TPTE2: variants seen among roughly 807,000 people sequenced by gnomAD.
TPTE2 encodes transmembrane phosphoinositide 3-phosphatase and tensin homolog 2.
In TPTE2, 53 loss-of-function variants were observed where a neutral mutation model predicts 78.6. That is an observed-to-expected ratio of 0.67 (90% confidence interval 0.54 to 0.85). The LOEUF is 0.85. Among genes scored for constraint, TPTE2 ranks in the 40% least tolerant of loss-of-function variants. The probability of loss-of-function intolerance (pLI) is 0.00; values close to 1 mark genes in which losing one functional copy is unlikely to be tolerated. For synonymous variants in TPTE2, 175 were observed against 206.2 expected, an observed-to-expected ratio of 0.85 and a Z score of 1.30; for missense variants, 461 against 623.0, an observed-to-expected ratio of 0.74 and a Z score of 2.77.
chr13:19,502,539 A>G (rs1392406127), intron 1 of TPTE2, among the ~76,000 whole-genome samples: 2 of 150,720 alleles, frequency 1.3e-5, no homozygotes, highest in East Asian at 3.9e-4. Context: ...TCAGTAAACT[A>G]TCGCAAGAAC....
At chr13:19,437,885 T>C (rs576597116) in intron 14 of TPTE2, among the ~76,000 whole-genome samples, 1 of 152,288 alleles carries the variant, frequency 6.6e-6, no homozygotes, top group African/African-American at 2.4e-5. Flanking sequence ...ACTCTAGTCC[T>C]GGCCCAAAGA....
At chr13:19,424,950 T>C (rs1412316222) in exon 19 of TPTE2, 3 of 1,505,274 alleles carry the variant, frequency 2.0e-6, no homozygotes, top group Admixed American at 1.9e-5. Context: ...TTCATACCTG[T>C]TATTTTGAAT....
intron 1 of TPTE2, among the ~76,000 whole-genome samples, chr13:19,497,269 C>A (rs1259709294): frequency 8.4e-5 from 10 of 119,286 alleles, no homozygotes; most frequent in African/African-American, 2.8e-4. Context: ...ACAAAGCAGC[C>A]AGGAAGCTCG....
chr13:19,455,296 C>T (rs1878471879), intron 10 of TPTE2, among the ~76,000 whole-genome samples: 1 of 152,194 alleles, frequency 6.6e-6, no homozygotes, highest in African/African-American at 2.4e-5. Flanking sequence ...TGCTTCCCTG[C>T]CTGAGAATAA....
chr13:19,528,340 T>C (rs142255737), intron 1 of TPTE2, among the ~76,000 whole-genome samples: 2,535 of 151,728 alleles, frequency 0.017, 64 homozygotes, highest in African/African-American at 0.058. Context: ...TGAGCTGAGA[T>C]TGCATGACTG....
chr13:19,558,606 A>G, the TPTE2 span, among the ~76,000 whole-genome samples: 1 of 152,258 alleles, frequency 6.6e-6, no homozygotes, highest in South Asian at 2.1e-4. Flanking sequence ...TCTGTGAGAC[A>G]GTGGGAAAAC....
intron 1 of TPTE2, among the ~76,000 whole-genome samples, chr13:19,515,058 C>T (rs192847220): frequency 4.6e-5 from 7 of 152,326 alleles, no homozygotes; most frequent in Non-Finnish European, 1.0e-4. Flanking sequence ...CTGCTCTCTA[C>T]ACCGTATATT....
At chr13:19,437,905 G>A (rs974738284) in intron 14 of TPTE2, among the ~76,000 whole-genome samples, 187 bp downstream of exon 17, 1 of 152,078 alleles carries the variant, frequency 6.6e-6, no homozygotes, top group African/African-American at 2.4e-5. Context: ...AGATTCTGCA[G>A]TCAGCTACTA....
At chr13:19,463,885 G>A (rs1390420814) in intron 10 of TPTE2, among the ~76,000 whole-genome samples, 2 of 152,208 alleles carry the variant, frequency 1.3e-5, no homozygotes, top group Non-Finnish European at 2.9e-5. Context: ...CATGCTAGCT[G>A]CAGTGGCTTT....
intron 1 of TPTE2, among the ~76,000 whole-genome samples, chr13:19,532,927 G>A (rs1171000743): frequency 6.6e-6 from 1 of 152,112 alleles, no homozygotes; most frequent in African/African-American, 2.4e-5. Context: ...AGGAGGAGAA[G>A]GCTTTCTTGG....
At chr13:19,491,810 G>A (rs988594383) in intron 3 of TPTE2, among the ~76,000 whole-genome samples, 11 of 152,096 alleles carry the variant, frequency 7.2e-5, no homozygotes, top group South Asian at 2.1e-4. Flanking sequence ...GGGCAACAGC[G>A]AGACTTCATC....
At chr13:19,463,998 G>C (rs1427475857) in intron 10 of TPTE2, among the ~76,000 whole-genome samples, 1 of 152,150 alleles carries the variant, frequency 6.6e-6, no homozygotes, top group African/African-American at 2.4e-5. Context: ...TGGTGAAGGG[G>C]GTGGGGCTGT....
At chr13:19,487,864 T>G (rs1398215484) in intron 3 of TPTE2, among the ~76,000 whole-genome samples, 1 of 152,198 alleles carries the variant, frequency 6.6e-6, no homozygotes, top group East Asian at 1.9e-4. Flanking sequence ...ACATGCAGCT[T>G]TGTCAATTCT....
At chr13:19,532,778 G>A (rs996640297) in intron 1 of TPTE2, among the ~76,000 whole-genome samples, 50 of 152,182 alleles carry the variant, frequency 3.3e-4, no homozygotes, top group Non-Finnish European at 2.4e-4. Context: ...CCTAGCAATA[G>A]CTAGGTCTTA....
At chr13:19,443,720 C>T (rs1371506131) in intron 13 of TPTE2, among the ~76,000 whole-genome samples, 3 of 144,796 alleles carry the variant, frequency 2.1e-5, no homozygotes, top group Non-Finnish European at 4.5e-5. Flanking sequence ...ATTTCTTAAT[C>T]GATAAATGGT....
the TPTE2 span, among the ~76,000 whole-genome samples, chr13:19,542,604 A>G: frequency 6.6e-6 from 1 of 152,012 alleles, no homozygotes; most frequent in Admixed American, 6.6e-5. Context: ...TAAATATTCC[A>G]TTTCTAATGT....
chr13:19,448,259 G>C (rs1197681416), intron 13 of TPTE2, among the ~76,000 whole-genome samples: 1 of 152,156 alleles, frequency 6.6e-6, no homozygotes, highest in Non-Finnish European at 1.5e-5. Flanking sequence ...CTTGACATTG[G>C]TCTGGGCCAA....
At chr13:19,460,592 C>A (rs1318454593) in intron 10 of TPTE2, among the ~76,000 whole-genome samples, 4 of 152,088 alleles carry the variant, frequency 2.6e-5, no homozygotes, top group Admixed American at 2.6e-4. Flanking sequence ...ACAAAATAAT[C>A]CATCCATGTT....
intron 17 of TPTE2, 51 bp from the exon 21 acceptor site, chr13:19,426,568 A>G: frequency 9.0e-7 from 1 of 1,110,206 alleles, no homozygotes. Flanking sequence ...TAACGATAAC[A>G]AAAGTTCCTT....
Sources: gnomAD v4.1 joint callset for allele counts (sites outside exome capture counted in the v4.1 genomes callset) on GRCh38, gnomAD v4.1.1 for gene constraint, MANE v1.5 for transcripts, NCBI Gene and HGNC (gene_info 2026-07-23, HGNC 2026-07-21) for gene names.